The following KIF15 variants were observed in gnomAD, a reference collection of about 807,000 sequenced individuals.
KIF15 encodes the protein kinesin family member 15.
In KIF15, 140 loss-of-function variants were observed where a neutral mutation model predicts 190.6. That is an observed-to-expected ratio of 0.73 (90% CI 0.64 to 0.84). KIF15 has a LOEUF of 0.84. KIF15 is among the 40% of genes least tolerant of loss of function. The probability of loss-of-function intolerance (pLI) is 0.00; values close to 1 mark genes in which losing one functional copy is unlikely to be tolerated. For synonymous variants in KIF15, 528 were observed against 551.3 expected, an observed-to-expected ratio of 0.96 and a Z score of 0.59; for missense variants, 1,372 against 1,584.4, an observed-to-expected ratio of 0.87 and a Z score of 2.28.
chr3:44,795,906 A>C (rs1229525432), intron 8 of KIF15, among the ~76,000 whole-genome samples: 3 of 152,110 alleles, frequency 2.0e-5, no homozygotes, highest in Non-Finnish European at 4.4e-5. Flanking sequence ...TCTGTCACCC[A>C]GCTGGAGTGC....
At chr3:44,780,240 G>A (rs974626924) in intron 4 of KIF15, among the ~76,000 whole-genome samples, 3 of 151,834 alleles carry the variant, frequency 2.0e-5, no homozygotes, top group Non-Finnish European at 4.4e-5. Context: ...TGGCTTCAAC[G>A]TTTTTACTTT....
intron 26 of KIF15, among the ~76,000 whole-genome samples, chr3:44,835,520 A>G (rs1698267896): frequency 6.6e-6 from 1 of 152,224 alleles, no homozygotes; most frequent in Non-Finnish European, 1.5e-5. Flanking sequence ...CTAGGATTAC[A>G]GGTGTGAGCC....
At chr3:44,847,957 C>T in intron 30 of KIF15, 28 bp from the exon 31 acceptor site, 2 of 1,528,308 alleles carry the variant, frequency 1.3e-6, no homozygotes, top group Middle Eastern at 1.7e-4. Flanking sequence ...TTTCCTATGC[C>T]TCCTCCCACC....
chr3:44,857,272 A>G (rs1699198947), downstream of KIF15, among the ~76,000 whole-genome samples: 1 of 152,226 alleles, frequency 6.6e-6, no homozygotes, highest in South Asian at 2.1e-4. Context: ...CAGAAAGTAT[A>G]TGCATCAAGT....
chr3:44,797,629 CAG>C lies in KIF15; in HGVS notation c.932_933del (p.Arg311ThrfsTer20), dbSNP rs759897853. On this transcript the variant is annotated frameshift_variant, in exon 9 of 35. Coordinates refer to ENST00000326047, the MANE Select transcript of KIF15 (RefSeq NM_020242.3). LOFTEE classifies it high-confidence loss of function. ...TALVDVGNGK[Q>X]RHVCYRDSKL... The stretch of plus-strand genomic sequence containing the variant: ...ACTTGTCGACGTGGGTAATGGAAAA[CAG>C]AGACATGTTTGCTACAGAGACTCCA... 26 of 1,614,026 alleles carry C rather than the reference CAG, an allele frequency of 1.6e-5. No individual in the cohort carries two copies. In the East Asian group the frequency reaches 3.8e-4, roughly 24 times the overall value.
At chr3:44,773,027 A>T (rs1705707148) in intron 1 of KIF15, among the ~76,000 whole-genome samples, 1 of 152,088 alleles carries the variant, frequency 6.6e-6, no homozygotes, top group Non-Finnish European at 1.5e-5. Context: ...TGGAAAGCAC[A>T]CCAGCTTGGT....
chr3:44,840,234 T>C, intron 27 of KIF15, 121 bp from the exon 28 acceptor site: 1 of 589,412 alleles, frequency 1.7e-6, no homozygotes, highest in South Asian at 2.3e-5. Flanking sequence ...CGAAGTGATA[T>C]CTCATTGTGG....
At position 44,780,895 on chromosome 3, in the gene KIF15, G is replaced by A; in HGVS notation, c.334G>A (p.Gly112Ser). The A allele has an allele frequency of 6.2e-7, 1 of 1,600,882 alleles. No individual in the cohort carries two copies. The highest frequency in any genetic ancestry group is 8.5e-7 in the Non-Finnish European group (1 of 1,170,824). Residue 112 changes from glycine to serine, a missense_variant, in exon 5 of 35, where the codon GGC becomes AGC. Physicochemically the swap from Gly to Ser is moderately conservative, Grantham distance 56. Coordinates refer to ENST00000326047, the MANE Select transcript of KIF15 (RefSeq NM_020242.3). ...NGTIFAYGQT[G>S]SGKTFTMMGP... ...AAACATTTTTTACAGTGGACAGACTGGCTCAGGGAAGACATTTACTATGAT... is the reference window on the plus strand; with the variant it reads ...AAACATTTTTTACAGTGGACAGACTAGCTCAGGGAAGACATTTACTATGAT...
intron 11 of KIF15, 122 bp downstream of exon 11, chr3:44,800,559 C>A: frequency 1.1e-6 from 1 of 911,360 alleles, no homozygotes; most frequent in African/African-American, 1.7e-5. Context: ...TCTCTTTCTG[C>A]TTATTTCTCC....
chr3:44,775,146 G>C, intron 2 of KIF15, 108 bp from the exon 3 acceptor site: 2 of 858,442 alleles, frequency 2.3e-6, no homozygotes, highest in South Asian at 3.4e-5. Context: ...CTTGGGCTTT[G>C]TTGGAGAAAC....
Position 44,802,837 on chromosome 3 carries a change from A to G in KIF15, c.1533A>G (p.Ala511=). ...AGATAGAGCACCACCCCAGAGTTGC[A>G]AAGTATGCTATGGAAAATCATTCCC... ...REQIEHHPRV[A]KYAMENHSLR... is the part of the protein sequence containing the mutation. Residue 511 remains alanine, a synonymous_variant, in exon 14 of 35, where the codon GCA becomes GCG. Coordinates refer to ENST00000326047, the MANE Select transcript of KIF15 (RefSeq NM_020242.3). 1.9e-6 allele frequency: 3 copies of G among 1,590,330 alleles called. No homozygotes were observed. Among genetic ancestry groups the G allele is most frequent in the Non-Finnish European group, 2.6e-6 (3 of 1,173,602 alleles).
intron 15 of KIF15, 113 bp from the exon 16 acceptor site, chr3:44,805,732 T>C: frequency 1.0e-6 from 1 of 969,750 alleles, no homozygotes; most frequent in East Asian, 2.4e-5. Context: ...ATAGAGAATA[T>C]CTCTGATTTA....
At chr3:44,844,403 G>A (rs545812890) in intron 30 of KIF15, among the ~76,000 whole-genome samples, 3 of 152,172 alleles carry the variant, frequency 2.0e-5, no homozygotes, top group Non-Finnish European at 4.4e-5. Context: ...TCTGATGTAG[G>A]TAGTCCACAG....
At chr3:44,847,640 T>C (rs1698907007) in intron 30 of KIF15, among the ~76,000 whole-genome samples, 3 of 152,202 alleles carry the variant, frequency 2.0e-5, no homozygotes, top group South Asian at 4.1e-4. Flanking sequence ...TCTTGGCTCT[T>C]TCTTTCAGCC....
In KIF15 at chr3:44,815,203, A is replaced by C. The variant is rs1001426425; in HGVS notation, c.2549+127A>C. On this transcript the variant is annotated intron_variant, in intron 20 of 34. Transcript: ENST00000326047. ...ATAAAAAAGATAATTTATTGGCTCC[A>C]ATATTGGAAGCCCCAGAGGTGATTT... 6 of 791,164 alleles carry C rather than the reference A, an allele frequency of 7.6e-6. No homozygotes were observed. In the African/African-American group the frequency reaches 1.1e-4, roughly 14 times the overall value. 49.0% of individuals were successfully genotyped at this position (791,164 alleles called of 1,614,324 possible).
At chr3:44,843,994 T>C (rs998372553) in intron 30 of KIF15, among the ~76,000 whole-genome samples, 1 of 152,318 alleles carries the variant, frequency 6.6e-6, no homozygotes, top group East Asian at 1.9e-4. Context: ...AGAATTATGA[T>C]TCTGCCTATT....
At position 44,786,480 on chromosome 3, in the gene KIF15, C is replaced by T. The variant is rs200482596; in HGVS notation, c.545C>T (p.Ser182Leu). 2.4e-4 allele frequency: 386 copies of T among 1,613,830 alleles called. 2 individuals are homozygous for T. The South Asian group carries it at 2.7e-3, about 11-fold the overall frequency. ...EQIYDLLDSASAGLYLREHIK... is the reference protein window; with the variant it reads ...EQIYDLLDSALAGLYLREHIK... Reference sequence around the variant, plus strand: ...ATATATGATCTACTGGACTCTGCATCGGCTGGACTGTACTTAAGGGAGCAT... The same window carrying T: ...ATATATGATCTACTGGACTCTGCATTGGCTGGACTGTACTTAAGGGAGCAT... Residue 182 changes from serine to leucine, a missense_variant, in exon 7 of 35, where the codon TCG (serine) becomes TTG (leucine). Physicochemically the swap from Ser to Leu is moderately radical, Grantham distance 145 (BLOSUM62 -2). Coordinates refer to ENST00000326047, the MANE Select transcript of KIF15 (RefSeq NM_020242.3).
At chr3:44,821,889 A>G (rs1458290258) in intron 20 of KIF15, among the ~76,000 whole-genome samples, 1 of 152,240 alleles carries the variant, frequency 6.6e-6, no homozygotes, top group Non-Finnish European at 1.5e-5. Context: ...CGGGAGGCCG[A>G]GGCTGGCGGA....
At position 44,803,045 on chromosome 3, in the gene KIF15, A is replaced by C. The variant is rs1273746521; in HGVS notation, c.1687+54A>C. 1.7e-5 allele frequency: 25 copies of C among 1,498,830 alleles called. No homozygotes were observed. In the East Asian group the frequency reaches 5.8e-4, roughly 35 times the overall value. 92.8% of individuals were successfully genotyped at this position (1,498,830 alleles called of 1,614,324 possible). ...CATGTAGGAAGGGGCTGTTTTAAAG[A>C]GCATTTTTAGTGCCTTGTGACTAGG... On this transcript the variant is annotated intron_variant, in intron 14 of 34. Coordinates refer to ENST00000326047, the MANE Select transcript of KIF15 (RefSeq NM_020242.3).
Sources: allele counts gnomAD v4.1 joint callset (sites outside exome capture counted in the v4.1 genomes callset), GRCh38; gene constraint gnomAD v4.1.1; transcripts MANE v1.5; gene names NCBI Gene and HGNC (gene_info 2026-07-23, HGNC 2026-07-21).